Variants in TENM2 observed in about 807,000 individuals in gnomAD.
The protein encoded by TENM2 is teneurin transmembrane protein 2.
Under a neutral mutation model 245.2 loss-of-function variants are expected in TENM2, and 52 were observed. The ratio of observed to expected loss-of-function variants is 0.21; its 90% CI spans 0.17 to 0.27. The LOEUF (loss-of-function observed/expected upper bound fraction) is 0.27, where lower values mean the gene tolerates loss of function less well. Ranked by LOEUF, TENM2 falls within the 10% of genes least tolerant of loss-of-function variation. The pLI, the probability that TENM2 is intolerant of heterozygous loss-of-function variation, is 1.00. For missense variants in TENM2, 3,046 were observed against 3,666.8 expected, an observed-to-expected ratio of 0.83 and a Z score of 4.37; for synonymous variants, 1,363 against 1,438.9, an observed-to-expected ratio of 0.95 and a Z score of 1.19.
chr5:167,696,839 T>C (rs1264639669), intron 2 of TENM2, among the ~76,000 whole-genome samples: 1 of 151,912 alleles, frequency 6.6e-6, no homozygotes, highest in Non-Finnish European at 1.5e-5. Context: ...ACTTCCCACC[T>C]CCTCCTCTTC....
chr5:167,560,008 C>A (rs181713507), intron 2 of TENM2, among the ~76,000 whole-genome samples: 2 of 152,126 alleles, frequency 1.3e-5, no homozygotes, highest in Non-Finnish European at 2.9e-5. Flanking sequence ...CACTCTGTGG[C>A]GATGCTTCCT....
chr5:167,034,850 T>C, the TENM2 span, among the ~76,000 whole-genome samples: 1 of 152,114 alleles, frequency 6.6e-6, no homozygotes, highest in African/African-American at 2.4e-5. Flanking sequence ...TGAGGATTAG[T>C]ACTCTTCTAA....
intron 5 of TENM2, among the ~76,000 whole-genome samples, chr5:168,039,654 C>G (rs1788012635): frequency 3.3e-5 from 5 of 152,108 alleles, no homozygotes; most frequent in African/African-American, 1.2e-4. Context: ...TGAGGCTGAG[C>G]TGACTTGGTG....
intron 2 of TENM2, among the ~76,000 whole-genome samples, chr5:167,810,764 CAAAG>C (rs1389161361): frequency 6.6e-6 from 1 of 152,088 alleles, no homozygotes; most frequent in Non-Finnish European, 1.5e-5. Flanking sequence ...CAATGGACAA[CAAAG>C]AAATTGCCAT....
chr5:167,400,065 A>C (rs1467154915), intron 2 of TENM2, among the ~76,000 whole-genome samples: 1 of 152,316 alleles, frequency 6.6e-6, no homozygotes, highest in South Asian at 2.1e-4. Flanking sequence ...ATAGCAAAGT[A>C]TTTTGACTTT....
At chr5:167,027,292 A>G in the TENM2 span, among the ~76,000 whole-genome samples, 1 of 152,228 alleles carries the variant, frequency 6.6e-6, no homozygotes, top group African/African-American at 2.4e-5. Flanking sequence ...GAGGTCATTA[A>G]GCTAAAGTTT....
At chr5:167,612,560 AAATAAC>A (rs1777544195) in intron 2 of TENM2, among the ~76,000 whole-genome samples, 1 of 152,158 alleles carries the variant, frequency 6.6e-6, no homozygotes, top group Non-Finnish European at 1.5e-5. Context: ...CTGCATTTAA[AAATAAC>A]TTTAAAAGGT....
chr5:167,722,980 T>C (rs1759738333), intron 2 of TENM2, among the ~76,000 whole-genome samples: 1 of 152,198 alleles, frequency 6.6e-6, no homozygotes, highest in African/African-American at 2.4e-5. Flanking sequence ...TCTTTGGAGC[T>C]AGAATGATAG....
At chr5:168,213,899 C>A (rs75158439) in intron 20 of TENM2, among the ~76,000 whole-genome samples, 3,363 of 152,242 alleles carry the variant, frequency 0.022, 128 homozygotes, top group East Asian at 0.19. Flanking sequence ...CACACTGAGG[C>A]AGAAAGGCAA....
intron 23 of TENM2, among the ~76,000 whole-genome samples, chr5:168,224,346 T>C (rs1188224298): frequency 6.6e-6 from 1 of 152,128 alleles, no homozygotes; most frequent in Non-Finnish European, 1.5e-5. Flanking sequence ...AAGATCTCCC[T>C]CCTCTCTCCC....
intron 1 of TENM2, among the ~76,000 whole-genome samples, chr5:167,369,771 A>C (rs1280544276): frequency 6.6e-6 from 1 of 152,206 alleles, no homozygotes; most frequent in Non-Finnish European, 1.5e-5. Flanking sequence ...TATTGCATAC[A>C]GTTAGCTTTT....
intron 2 of TENM2, among the ~76,000 whole-genome samples, chr5:167,532,028 C>T (rs6874924): frequency 6.6e-6 from 1 of 152,066 alleles, no homozygotes; most frequent in Non-Finnish European, 1.5e-5. Flanking sequence ...TCTTCAAACA[C>T]GGATATTAAG....
chr5:167,116,186 G>A, the TENM2 span: 1 of 152,296 alleles, frequency 6.6e-6, no homozygotes, highest in South Asian at 2.1e-4. Context: ...AAGGAAGTAG[G>A]CGTAGCAAGG....
intron 11 of TENM2, 63 bp from the exon 14 acceptor site, chr5:168,126,691 C>A: frequency 2.1e-6 from 3 of 1,425,410 alleles, no homozygotes; most frequent in South Asian, 2.7e-5. Context: ...TGTGCGTGGT[C>A]TGGACTCCAT....
At chr5:167,347,327 A>G (rs1480376652) in intron 1 of TENM2, among the ~76,000 whole-genome samples, 1 of 152,170 alleles carries the variant, frequency 6.6e-6, no homozygotes, top group Non-Finnish European at 1.5e-5. Flanking sequence ...TTTGCTCTGA[A>G]AAGATAGTCC....
intron 2 of TENM2, among the ~76,000 whole-genome samples, chr5:167,800,894 G>C (rs1193993767): frequency 2.0e-5 from 3 of 151,658 alleles, no homozygotes; most frequent in Non-Finnish European, 2.9e-5. Flanking sequence ...AAAAGATATA[G>C]CCAGTAGTCC....
At chr5:167,135,559 A>C in the TENM2 span, among the ~76,000 whole-genome samples, 14 of 152,060 alleles carry the variant, frequency 9.2e-5, no homozygotes, top group African/African-American at 3.4e-4. Flanking sequence ...GGCAGATGAC[A>C]AGGTCAGGAG....
chr5:167,153,853 G>T, the TENM2 span, among the ~76,000 whole-genome samples: 1 of 152,074 alleles, frequency 6.6e-6, no homozygotes, highest in South Asian at 2.1e-4. Context: ...GTAATTATCA[G>T]ATAGGTCAGA....
the TENM2 span, among the ~76,000 whole-genome samples, chr5:167,105,891 A>G: frequency 1.8e-5 from 1 of 55,342 alleles, no homozygotes; most frequent in Non-Finnish European, 4.8e-5. Context: ...CCGTCTCAAA[A>G]AAAAAAAAAA....
Sources: allele counts gnomAD v4.1 joint callset (sites outside exome capture counted in the v4.1 genomes callset), GRCh38; gene constraint gnomAD v4.1.1; transcripts MANE v1.5; gene names NCBI Gene and HGNC (gene_info 2026-07-23, HGNC 2026-07-21).